The following GPR158 variants were observed in gnomAD, a reference collection of about 807,000 sequenced individuals.
The protein encoded by GPR158 is G protein-coupled receptor 158, also known as metabotropic glycine receptor.
Under a neutral mutation model 78.2 loss-of-function variants are expected in GPR158, and 30 were observed. The ratio of observed to expected loss-of-function variants is 0.38; its 90% confidence interval spans 0.29 to 0.52. GPR158 has a LOEUF of 0.52. Ranked by LOEUF, GPR158 falls within the 20% of genes least tolerant of loss-of-function variation. GPR158 has a pLI of 0.83. For synonymous variants in GPR158, 581 were observed against 591.1 expected (o/e 0.98, Z 0.25); for missense variants, 1,463 against 1,523.5 (o/e 0.96, Z 0.66).
rs772239419 is a variant in GPR158, at chr10:25,599,096, C to T, written c.3470C>T (p.Ser1157Leu). ...GAGAATGTGCGTGGCTCCTATAACT[C>T]AAGTAATAACTTCCAGCAACCTTTA... ...SEENVRGSYN[S>L]SNNFQQPLTS... The change falls in exon 11 of 11, where the codon TCA (serine) becomes TTA (leucine). Residue 1157 changes from serine to leucine, a missense_variant. Ser to Leu is a moderately radical substitution (Grantham distance 145, BLOSUM62 -2). Transcript: ENST00000376351. The T allele has an allele frequency of 1.2e-6, 2 of 1,612,904 alleles. No individual in the cohort carries two copies. Among genetic ancestry groups the T allele is most frequent in the East Asian group, 4.5e-5 (2 of 44,874 alleles).
intron 2 of GPR158, among the ~76,000 whole-genome samples, chr10:25,314,990 G>A (rs1280523436): frequency 6.7e-6 from 1 of 149,020 alleles, no homozygotes; most frequent in Admixed American, 6.7e-5. Flanking sequence ...GAATTTTTTT[G>A]TCAGTACTGT....
intron 4 of GPR158, among the ~76,000 whole-genome samples, chr10:25,422,733 G>A (rs1834767603): frequency 6.6e-6 from 1 of 151,582 alleles, no homozygotes; most frequent in South Asian, 2.1e-4. Context: ...AGGTTTTTGG[G>A]AAACACGTGG....
chr10:25,216,191 T>G (rs1233458138), intron 1 of GPR158, among the ~76,000 whole-genome samples: 2 of 152,222 alleles, frequency 1.3e-5, no homozygotes, highest in Non-Finnish European at 2.9e-5. Context: ...GTTCTGGTTG[T>G]CTATTGTTAG....
In GPR158 at chr10:25,597,915, G is replaced by A; in HGVS notation, c.2289G>A (p.Glu763=). 2 of 1,612,018 alleles carry A rather than the reference G, an allele frequency of 1.2e-6. No homozygotes were observed. The highest frequency in any genetic ancestry group is 1.7e-6 in the Non-Finnish European group (2 of 1,179,010). The change falls in exon 11 of 11, where the codon GAG becomes GAA. Residue 763 remains glutamate (E), a synonymous_variant. Coordinates refer to ENST00000376351, the MANE Select transcript of GPR158 (RefSeq NM_020752.3). ...TGAGACGCATTACGGAGATCCCAGA[G>A]ACAGTCAGCCGGCAGTGCTCTAAAG... ...SIMRRITEIP[E]TVSRQCSKED... is the part of the protein sequence containing the mutation.
At chr10:25,510,176 TAG>T (rs1836065445) in intron 5 of GPR158, among the ~76,000 whole-genome samples, 1 of 152,158 alleles carries the variant, frequency 6.6e-6, no homozygotes, top group Non-Finnish European at 1.5e-5. Context: ...CTTTGGAAAA[TAG>T]AGTCTTCCAC....
At chr10:25,517,559 T>C (rs1304697903) in intron 5 of GPR158, among the ~76,000 whole-genome samples, 1 of 152,070 alleles carries the variant, frequency 6.6e-6, no homozygotes, top group East Asian at 1.9e-4. Flanking sequence ...AATACCTAAT[T>C]TATTGAGAGT....
chr10:25,296,709 T>C (rs549005507), intron 2 of GPR158, among the ~76,000 whole-genome samples: 156 of 152,134 alleles, frequency 1.0e-3, no homozygotes, highest in Middle Eastern at 0.01. Context: ...TATTAATTCA[T>C]TTACCTCTCA....
At chr10:25,307,721 T>A (rs564392587) in intron 2 of GPR158, among the ~76,000 whole-genome samples, 1 of 152,328 alleles carries the variant, frequency 6.6e-6, no homozygotes, top group Non-Finnish European at 1.5e-5. Context: ...TAATTCTCTA[T>A]CAGTTCTTAG....
intron 6 of GPR158, among the ~76,000 whole-genome samples, chr10:25,571,357 T>A (rs1041298895): frequency 6.6e-5 from 10 of 152,196 alleles, no homozygotes; most frequent in Non-Finnish European, 8.8e-5. Context: ...GTTGTGTTAA[T>A]TCAGGGAGAA....
chr10:25,372,558 G>A (rs193165201), intron 2 of GPR158, among the ~76,000 whole-genome samples: 14,368 of 146,908 alleles, frequency 0.098, 798 homozygotes, highest in South Asian at 0.22. Flanking sequence ...GTCCTTTGTA[G>A]GGACATGGAC....
At chr10:25,461,799 C>T (rs1588874907) in intron 4 of GPR158, among the ~76,000 whole-genome samples, 1 of 142,942 alleles carries the variant, frequency 7.0e-6, no homozygotes, top group Admixed American at 7.4e-5. Context: ...GTGGTGTGAT[C>T]TTGGCTCTTG....
chr10:25,361,920 A>G (rs1054940757), intron 2 of GPR158, among the ~76,000 whole-genome samples: 1 of 151,948 alleles, frequency 6.6e-6, no homozygotes, highest in Non-Finnish European at 1.5e-5. Flanking sequence ...TTGTCCCATT[A>G]CACAGGTTGC....
rs147159336 is a variant in GPR158 at position 25,215,423 on chromosome 10, C to T, written c.903-5629C>T. Among the ~76,000 whole-genome samples the T allele has an allele frequency of 2.9e-3, 437 of 152,148 alleles. 4 individuals carry two copies. Among genetic ancestry groups the T allele is most frequent in the African/African-American group, 0.01 (424 of 41,504 alleles). ...GGAACAGAGTTTCAGTTTTGCAAGACGAAAAGAGTTCTCAAGATTGGTTGC... is the reference window on the plus strand; with the variant it reads ...GGAACAGAGTTTCAGTTTTGCAAGATGAAAAGAGTTCTCAAGATTGGTTGC... On this transcript the variant is annotated intron_variant, in intron 1 of 10. Transcript: ENST00000376351.
At chr10:25,238,805 A>T (rs1442239116) in intron 2 of GPR158, among the ~76,000 whole-genome samples, 1 of 152,202 alleles carries the variant, frequency 6.6e-6, no homozygotes, top group Non-Finnish European at 1.5e-5. Flanking sequence ...ACATGATCAC[A>T]TTTAGGTTTC....
chr10:25,440,636 C>A (rs1835055117), intron 4 of GPR158, among the ~76,000 whole-genome samples: 1 of 152,084 alleles, frequency 6.6e-6, no homozygotes, highest in African/African-American at 2.4e-5. Flanking sequence ...CTCTTTAATG[C>A]TAATTATTAA....
chr10:25,274,461 C>T (rs1854156966), intron 2 of GPR158, among the ~76,000 whole-genome samples: 2 of 152,224 alleles, frequency 1.3e-5, no homozygotes, highest in Non-Finnish European at 2.9e-5. Flanking sequence ...CTATCCGTCA[C>T]TTGGTATTCA....
chr10:25,532,454 T>C (rs1836437067), intron 5 of GPR158, among the ~76,000 whole-genome samples: 1 of 152,208 alleles, frequency 6.6e-6, no homozygotes, highest in Non-Finnish European at 1.5e-5. Flanking sequence ...ATACCTCAAC[T>C]CTTTTCCTGT....
At position 25,597,954 on chromosome 10, in the gene GPR158, C is replaced by T. The variant is rs746374308; in HGVS notation, c.2328C>T (p.Gly776=). ...SRQCSKEDKE[G]ADHGTAKGTA... is the part of the protein sequence containing the mutation. ...AGTGCTCTAAAGAGGACAAGGAGGG[C>T]GCCGACCATGGCACAGCCAAAGGCA... The change falls in exon 11 of 11, where the codon GGC becomes GGT. Residue 776 remains glycine, a synonymous_variant. Transcript: ENST00000376351. The T allele has an allele frequency of 3.8e-5, 62 of 1,613,746 alleles. No individual in the cohort carries two copies. The highest frequency in any genetic ancestry group is 4.7e-5 in the Non-Finnish European group (55 of 1,179,920).
intron 1 of GPR158, among the ~76,000 whole-genome samples, chr10:25,195,714 CTTCT>C (rs1852834849): frequency 6.6e-6 from 1 of 152,120 alleles, no homozygotes; most frequent in Non-Finnish European, 1.5e-5. Flanking sequence ...AATTCTTCCT[CTTCT>C]TTTTCTTTTT....
Sources: allele counts gnomAD v4.1 joint callset (sites outside exome capture counted in the v4.1 genomes callset), GRCh38; gene constraint gnomAD v4.1.1; transcripts MANE v1.5; gene names NCBI Gene and HGNC (gene_info 2026-07-23, HGNC 2026-07-21).